The following CALU variants were observed in gnomAD, a reference collection of about 807,000 sequenced individuals.
The protein encoded by CALU is calumenin, also known as IEF SSP 9302.
In CALU, 13 loss-of-function variants were observed where a neutral mutation model predicts 37.5. That is an observed-to-expected ratio of 0.35 (90% confidence interval 0.23 to 0.55). CALU has a LOEUF of 0.55. Among genes scored for constraint, CALU ranks in the 20% least tolerant of loss-of-function variants. CALU has a pLI of 0.89. For missense variants in CALU, 282 were observed against 391.7 expected, an observed-to-expected ratio of 0.72 and a Z score of 2.36; for synonymous variants, 114 against 133.8, an observed-to-expected ratio of 0.85 and a Z score of 1.02.
chr7:128,762,355 T>C (rs1801152326), intron 5 of CALU, among the ~76,000 whole-genome samples: 1 of 151,568 alleles, frequency 6.6e-6, no homozygotes, highest in African/African-American at 2.4e-5. Context: ...CAAAACTATC[T>C]TGTGCATGTG....
chr7:128,764,272 A>C (rs1005880279), intron 5 of CALU, among the ~76,000 whole-genome samples: 31 of 132,012 alleles, frequency 2.3e-4, no homozygotes, highest in Non-Finnish European at 3.6e-4. Context: ...TACAAAAAAT[A>C]CAAAAAAAAA....
At position 128,754,273 on chromosome 7, in the gene CALU, G is replaced by C; in HGVS notation, c.233G>C (p.Ser78Thr). 1 of 1,608,230 alleles carries C rather than the reference G, an allele frequency of 6.2e-7. No individual in the cohort carries two copies. The highest frequency in any genetic ancestry group is 8.5e-7 in the Non-Finnish European group (1 of 1,177,936). ...TGCATTTTCTACAGAAAGATTGTAAGTAAAATAGATGGCGACAAGGACGGG... is the reference window on the plus strand; with the variant it reads ...TGCATTTTCTACAGAAAGATTGTAACTAAAATAGATGGCGACAAGGACGGG... ...ESKERLGKIV[S>T]KIDGDKDGFV... is the part of the protein sequence containing the mutation. The change falls in exon 3 of 7, where the codon AGT becomes ACT. Residue 78 changes from serine (S) to threonine (T), a missense_variant. Physicochemically the swap from Ser to Thr is moderately conservative, Grantham distance 58 (BLOSUM62 1). Transcript: ENST00000249364.
At chr7:128,742,489 C>T (rs1292204440) in intron 1 of CALU, among the ~76,000 whole-genome samples, 3 of 152,206 alleles carry the variant, frequency 2.0e-5, no homozygotes, top group Non-Finnish European at 4.4e-5. Flanking sequence ...TGTTAACGTT[C>T]TTGTGAAGTT....
At chr7:128,767,949 G>A (rs920963091) in intron 6 of CALU, among the ~76,000 whole-genome samples, 1 of 152,040 alleles carries the variant, frequency 6.6e-6, no homozygotes, top group Non-Finnish European at 1.5e-5. Context: ...AGATCCCCAG[G>A]AATTTTTTTT....
At chr7:128,754,585 T>C in intron 3 of CALU, 130 bp downstream of exon 3, 1 of 1,552,178 alleles carries the variant, frequency 6.4e-7, no homozygotes, top group Non-Finnish European at 8.7e-7. Context: ...GAGGGGGAGC[T>C]GAAATCCTGG....
chr7:128,754,707 T>TA (rs759625847), intron 3 of CALU: 1 of 1,550,536 alleles, frequency 6.4e-7, no homozygotes, highest in Non-Finnish European at 8.7e-7. Context: ...AAACGTGACT[T>TA]ATGGCACTTA....
Position 128,772,624 on chromosome 7 carries a change from C to T in CALU, c.*3457C>T, listed in dbSNP as rs1801632136. 6.2e-7 allele frequency: 1 copy of T among 1,614,024 alleles called. No individual in the cohort carries two copies. The highest frequency in any genetic ancestry group is 1.7e-5 in the Admixed American group (1 of 60,012). On this transcript the variant is annotated 3_prime_UTR_variant, in exon 7 of 7. Transcript: ENST00000249364. Reference sequence around the variant, plus strand: ...ATGTGTCGGATTCATCTGTCATGGCCTTCCCACACACCATCTTCATGATGC... The same window carrying T: ...ATGTGTCGGATTCATCTGTCATGGCTTTCCCACACACCATCTTCATGATGC...
chr7:128,762,169 T>C (rs1275264624), intron 5 of CALU, among the ~76,000 whole-genome samples: 2 of 152,206 alleles, frequency 1.3e-5, no homozygotes, highest in African/African-American at 2.4e-5. Flanking sequence ...TCTTGGCTTT[T>C]GCCATTTTAT....
chr7:128,751,149 C>G (rs931494449), intron 2 of CALU, among the ~76,000 whole-genome samples: 18 of 151,918 alleles, frequency 1.2e-4, no homozygotes, highest in Non-Finnish European at 1.9e-4. Flanking sequence ...TTAGCTGGGC[C>G]TGGTGGCGCG....
chr7:128,767,711 A>T, intron 6 of CALU, 56 bp downstream of exon 6: 1 of 1,400,924 alleles, frequency 7.1e-7, no homozygotes, highest in Non-Finnish European at 1.0e-6. Context: ...CTTCTAGGGG[A>T]TCACCTGAAC....
At chr7:128,767,698 A>G (rs1162888614) in intron 6 of CALU, 43 bp downstream of exon 6, 2 of 1,500,284 alleles carry the variant, frequency 1.3e-6, no homozygotes, top group South Asian at 1.1e-5. Flanking sequence ...TGATTGAAGT[A>G]TGCTTCTAGG....
chr7:128,750,500 T>G (rs1018829902), intron 2 of CALU, among the ~76,000 whole-genome samples: 1 of 152,216 alleles, frequency 6.6e-6, no homozygotes, highest in African/African-American at 2.4e-5. Context: ...ATTAAAAGTT[T>G]GTCACATATG....
In CALU at chr7:128,770,228, T is replaced by C. The variant is rs143898751; in HGVS notation, c.*1061T>C. 82 of 152,786 alleles carry C rather than the reference T, an allele frequency of 5.4e-4. No individual in the cohort carries two copies. Among genetic ancestry groups the C allele is most frequent in the East Asian group, 1.7e-3 (9 of 5,188 alleles). The allele number at this position is 152,786 out of a possible 1,614,324, so 9.5% of individuals were successfully genotyped here. On this transcript the variant is annotated 3_prime_UTR_variant, in exon 7 of 7. Coordinates refer to ENST00000249364, the MANE Select transcript of CALU (RefSeq NM_001219.5). Reference sequence around the variant, plus strand: ...AAAAAAAGACTATTTGGATAACTTATAGGAAAGCCTAGAACCTCCCAGTAG... The same window carrying C: ...AAAAAAAGACTATTTGGATAACTTACAGGAAAGCCTAGAACCTCCCAGTAG...
chr7:128,751,457 T>C (rs1379931592), intron 2 of CALU, among the ~76,000 whole-genome samples: 9 of 152,132 alleles, frequency 5.9e-5, no homozygotes. Context: ...CTAGGCGCAA[T>C]GGCTCATGGC....
chr7:128,761,141 C>T (rs565623210), intron 5 of CALU, among the ~76,000 whole-genome samples: 18 of 151,888 alleles, frequency 1.2e-4, no homozygotes, highest in African/African-American at 4.1e-4. Context: ...TTTTAGTTGT[C>T]TAAATTTTTT....
chr7:128,757,219 T>C (rs1208194461), intron 3 of CALU, among the ~76,000 whole-genome samples: 1 of 152,232 alleles, frequency 6.6e-6, no homozygotes, highest in African/African-American at 2.4e-5. Flanking sequence ...TGTAAGAATC[T>C]AGTCTTAAAG....
At chr7:128,757,260 T>C (rs1800920647) in intron 3 of CALU, among the ~76,000 whole-genome samples, 1 of 152,188 alleles carries the variant, frequency 6.6e-6, no homozygotes, top group African/African-American at 2.4e-5. Context: ...TTCTTATTTA[T>C]GTTACATAGT....
intron 3 of CALU, chr7:128,754,792 A>G (rs1800809899): frequency 3.5e-6 from 3 of 864,468 alleles, no homozygotes; most frequent in Non-Finnish European, 3.5e-6. Flanking sequence ...GTCACACAGT[A>G]AAGGAAAGGA....
intron 2 of CALU, among the ~76,000 whole-genome samples, chr7:128,751,900 G>A (rs576480104): frequency 6.6e-6 from 1 of 152,296 alleles, no homozygotes; most frequent in East Asian, 1.9e-4. Flanking sequence ...AACATGAGGT[G>A]CACTAATGCA....
Sources: gnomAD v4.1 joint callset for allele counts (sites outside exome capture counted in the v4.1 genomes callset) on GRCh38, gnomAD v4.1.1 for gene constraint, MANE v1.5 for transcripts, NCBI Gene and HGNC (gene_info 2026-07-23, HGNC 2026-07-21) for gene names.